Variants in ZNF37A observed in about 807,000 individuals in gnomAD.
ZNF37A encodes zinc finger protein 37a (KOX 21).
A neutral mutation model predicts 12.3 loss-of-function variants in ZNF37A; 10 were observed. That is an observed-to-expected ratio of 0.82 (90% confidence interval 0.50 to 1.38). The LOEUF is 1.38. ZNF37A is among the 40% of genes most tolerant of loss of function. The pLI, the probability that ZNF37A is intolerant of heterozygous loss-of-function variation, is 0.00. For synonymous variants in ZNF37A, 207 were observed against 223.0 expected, an observed-to-expected ratio of 0.93 and a Z score of 0.64; for missense variants, 580 against 651.2, an observed-to-expected ratio of 0.89 and a Z score of 1.19.
intron 5 of ZNF37A, among the ~76,000 whole-genome samples, chr10:38,103,756 A>G (rs1170401662): frequency 6.6e-6 from 1 of 152,222 alleles, no homozygotes; most frequent in Non-Finnish European, 1.5e-5. Context: ...TTGTAAAGTC[A>G]GTGTTCTTTG....
intron 5 of ZNF37A, among the ~76,000 whole-genome samples, chr10:38,111,490 A>T (rs1018410944): frequency 1.1e-4 from 16 of 152,172 alleles, no homozygotes; most frequent in Non-Finnish European, 1.9e-4. Context: ...ATAATAAAAA[A>T]AAAAAACTGT....
intron 5 of ZNF37A, among the ~76,000 whole-genome samples, chr10:38,104,574 C>T (rs1238934583): frequency 6.6e-6 from 1 of 151,612 alleles, no homozygotes; most frequent in Non-Finnish European, 1.5e-5. Flanking sequence ...AGTAATTACT[C>T]TGTGGAACAA....
At chr10:38,100,929 C>T (rs181467165) in intron 5 of ZNF37A, among the ~76,000 whole-genome samples, 2 of 152,152 alleles carry the variant, frequency 1.3e-5, no homozygotes, top group African/African-American at 2.4e-5. Context: ...GTGAAATCTT[C>T]ACAATCTACG....
intron 5 of ZNF37A, among the ~76,000 whole-genome samples, chr10:38,107,480 G>A (rs1439632455): frequency 3.3e-5 from 5 of 152,122 alleles, no homozygotes; most frequent in African/African-American, 7.2e-5. Flanking sequence ...GCATCATAAC[G>A]ACAGGATCAG....
chr10:38,141,652 T>A (rs2070185016), intron 7 of ZNF37A: 1 of 152,208 alleles, frequency 6.6e-6, no homozygotes. Flanking sequence ...ACTTATAGTA[T>A]TATACCAATG....
intron 5 of ZNF37A, among the ~76,000 whole-genome samples, chr10:38,110,891 A>C (rs1451406314): frequency 1.3e-5 from 2 of 152,222 alleles, no homozygotes; most frequent in African/African-American, 4.8e-5. Context: ...GTGGGAGTGT[A>C]AATTAGTTCA....
rs1554929923 is a variant in ZNF37A at position 38,112,778 on chromosome 10, T to TCTTGTCTTGTCTTGTCTTGTCTTG, written c.16-1977_16-1976insCTTGTCTTGTCTTGTCTTGTCTTG. On this transcript the variant is annotated intron_variant, in intron 5 of 7. Transcript: ENST00000685332. Reference sequence around the variant, plus strand: ...TTCTTTTCTTTTCTTTTCTTTTCTTTTCTTTTCTTTTCTTTTCTTGTCTTG... The same window carrying TCTTGTCTTGTCTTGTCTTGTCTTG: ...TTCTTTTCTTTTCTTTTCTTTTCTTTCTTGTCTTGTCTTGTCTTGTCTTGTCTTTTCTTTTCTTTTCTTGTCTTG... 9.4e-5 allele frequency among the ~76,000 whole-genome samples: 6 copies of TCTTGTCTTGTCTTGTCTTGTCTTG among 63,792 alleles called. No individual in the cohort carries two copies. In the Admixed American group the frequency reaches 9.7e-4, roughly 10 times the overall value. 41.9% of individuals were successfully genotyped at this position (63,792 alleles called of 152,430 possible).
chr10:38,137,399 T>C (rs560838717), intron 7 of ZNF37A: 8 of 152,372 alleles, frequency 5.3e-5, no homozygotes, highest in Admixed American at 2.0e-4. Context: ...GGCAGGTATG[T>C]TGGCTTTCTA....
intron 5 of ZNF37A, among the ~76,000 whole-genome samples, chr10:38,099,016 T>A (rs1362215860): frequency 6.6e-6 from 1 of 152,206 alleles, no homozygotes; most frequent in African/African-American, 2.4e-5. Context: ...CAAACGAAAA[T>A]ATTTTTATTT....
Position 38,120,105 on chromosome 10 carries a change from G to A in ZNF37A, c.*1268G>A, listed in dbSNP as rs1468501939. On this transcript the variant is annotated 3_prime_UTR_variant, in exon 8 of 8. Coordinates refer to ENST00000685332, the MANE Select transcript of ZNF37A (RefSeq NM_001324250.3). ...TGATACAACTTTTTAAAATGTATGT[G>A]TAGATATAACTTAAATATGGAGCTT... 6.6e-6 allele frequency: 1 copy of A among 152,138 alleles called. No individual in the cohort carries two copies. The highest frequency in any genetic ancestry group is 1.5e-5 in the Non-Finnish European group (1 of 68,034). 9.4% of individuals were successfully genotyped at this position (152,138 alleles called of 1,614,324 possible).
intron 5 of ZNF37A, among the ~76,000 whole-genome samples, chr10:38,097,695 G>A (rs1321695580): frequency 6.6e-6 from 1 of 151,534 alleles, no homozygotes; most frequent in Non-Finnish European, 1.5e-5. Flanking sequence ...TGGGTTGTTA[G>A]GATGTGGCAG....
intron 5 of ZNF37A, 88 bp from the exon 6 acceptor site, chr10:38,114,667 A>AAAAATGGT: frequency 1.3e-6 from 2 of 1,549,338 alleles, no homozygotes; most frequent in Non-Finnish European, 1.8e-6. Flanking sequence ...TTTCAACAAT[A>AAAAATGGT]AAAATGGTAA....
intron 5 of ZNF37A, among the ~76,000 whole-genome samples, chr10:38,101,111 T>A (rs894494335): frequency 2.0e-5 from 3 of 152,210 alleles, no homozygotes; most frequent in African/African-American, 7.2e-5. Context: ...TTGCAAATAT[T>A]TCCTCCTGTT....
intron 5 of ZNF37A, among the ~76,000 whole-genome samples, chr10:38,102,448 A>C (rs2504133): frequency 0.22 from 33,605 of 152,048 alleles, 3,778 homozygotes; most frequent in Non-Finnish European, 0.24. Context: ...CTCTGCTCCT[A>C]TACAGCTTTG....
At position 38,134,769 on chromosome 10, in the gene ZNF37A, C is replaced by T. The variant is rs149251581; in HGVS notation, c.239-11963C>T. Among the ~76,000 whole-genome samples the T allele has an allele frequency of 1.1e-3, 161 of 152,298 alleles. 1 individual carries two copies. The highest frequency in any genetic ancestry group is 3.8e-3 in the African/African-American group (158 of 41,578). The stretch of plus-strand genomic sequence containing the variant: ...GACCCACTTGAGGAGGCAGTCTGAC[C>T]ATTCTCAGATCTCAAACTCTGTGCT... On this transcript the variant is annotated intron_variant, in intron 7 of 7. Coordinates refer to the ZNF37A transcript ENST00000638053.
Position 38,111,811 on chromosome 10 carries a change from G to A in ZNF37A, c.16-2944G>A, listed in dbSNP as rs183461575. Among the ~76,000 whole-genome samples the A allele has an allele frequency of 1.3e-3, 192 of 152,188 alleles. 1 individual carries two copies. Among genetic ancestry groups the A allele is most frequent in the African/African-American group, 4.5e-3 (188 of 41,544 alleles). ...TCTGGGAATGTCCTCATTATTGACAGGCATGTTTGCCAGGCGTAGAATTCT... is the reference window on the plus strand; with the variant it reads ...TCTGGGAATGTCCTCATTATTGACAAGCATGTTTGCCAGGCGTAGAATTCT... On this transcript the variant is annotated intron_variant, in intron 5 of 7. Transcript: ENST00000685332.
rs766335336 is a variant in ZNF37A, at chr10:38,117,980, G to T, written c.829G>T (p.Gly277Ter). The T allele has an allele frequency of 8.7e-6, 14 of 1,613,838 alleles. No homozygotes were observed. The Admixed American group carries it at 1.3e-4, about 15-fold the overall frequency. The stretch of plus-strand genomic sequence containing the variant: ...AAAACCTTATGAATGTCATGAATGT[G>T]GAAAAACCTTCACCCAGAAGTCAGC... ...GEKPYECHEC[G>*]KTFTQKSAHT... The change falls in exon 8 of 8, where the codon GGA becomes TGA. Residue 277 changes from glycine to a stop codon, truncating the protein, a stop_gained. Transcript: ENST00000685332. LOFTEE classifies it low-confidence loss of function (END_TRUNC).
In ZNF37A at chr10:38,118,635, A is replaced by T; in HGVS notation, c.1484A>T (p.Tyr495Phe). ...HQRTHIRQKP[Y>F]GCNQCGKSFC... ...AGAACTCATATAAGACAGAAACCCT[A>T]TGGATGTAATCAATGTGGAAAATCA... The change falls in exon 8 of 8, where the codon TAT becomes TTT. Residue 495 changes from tyrosine (Y) to phenylalanine (F), a missense_variant. Coordinates refer to ENST00000685332, the MANE Select transcript of ZNF37A (RefSeq NM_001324250.3). The T allele has an allele frequency of 1.9e-6, 3 of 1,613,728 alleles. No homozygotes were observed. Among genetic ancestry groups the T allele is most frequent in the Non-Finnish European group, 2.5e-6 (3 of 1,179,912 alleles).
rs1428529302 is a variant in ZNF37A, at chr10:38,118,189, A to G, written c.1038A>G (p.Gln346=). 6.2e-7 allele frequency: 1 copy of G among 1,613,816 alleles called. No homozygotes were observed. Among genetic ancestry groups the G allele is most frequent in the Admixed American group, 1.7e-5 (1 of 59,976 alleles). ...AAAAGTCAACCCTTACTCAACATCAAAGAACGCACACAGGGGAGAAACCAT... is the reference window on the plus strand; with the variant it reads ...AAAAGTCAACCCTTACTCAACATCAGAGAACGCACACAGGGGAGAAACCAT... The part of the protein sequence containing the change: ...FSEKSTLTQH[Q]RTHTGEKPYE... Residue 346 remains glutamine (Q), a synonymous_variant, in exon 8 of 8, where the codon CAA becomes CAG. Transcript: ENST00000685332.
Sources: gnomAD v4.1 joint callset for allele counts (sites outside exome capture counted in the v4.1 genomes callset) on GRCh38, gnomAD v4.1.1 for gene constraint, MANE v1.5 for transcripts, NCBI Gene and HGNC (gene_info 2026-07-23, HGNC 2026-07-21) for gene names.